BRWD3: variants seen among roughly 807,000 people sequenced by gnomAD.
BRWD3 encodes the protein bromodomain and WD repeat-containing protein 3.
Under a neutral mutation model 149.7 loss-of-function variants are expected in BRWD3, and 10 were observed. The observed-to-expected ratio is 0.07, with a 90% CI of 0.04 to 0.11. BRWD3 has a LOEUF of 0.11. Among genes scored for constraint, BRWD3 ranks in the 10% least tolerant of loss-of-function variants. The pLI is 1.00. For missense variants in BRWD3, 940 were observed against 1,373.2 expected, an observed-to-expected ratio of 0.68 and a Z score of 4.99; for synonymous variants, 504 against 456.7, an observed-to-expected ratio of 1.10 and a Z score of -1.32.
At chrX:80,802,442 T>TAA (rs760675783) in intron 4 of BRWD3, among the ~76,000 whole-genome samples, 1,429 of 48,835 alleles carry the variant, frequency 0.029, 44 homozygotes, top group South Asian at 0.1. Flanking sequence ...ACTCTCATCT[T>TAA]AAAAAAAAAA....
At chrX:80,682,185 T>C in intron 38 of BRWD3, 91 bp from the exon 39 acceptor site, 2 of 772,796 alleles carry the variant, frequency 2.6e-6, no homozygotes, top group Non-Finnish European at 2.0e-6. Context: ...GGTATCAAGG[T>C]CAGGTATTAG....
At chrX:80,728,584 G>A (rs771698893) in intron 14 of BRWD3, among the ~76,000 whole-genome samples, 168 bp downstream of exon 14, 176 of 111,402 alleles carry the variant, frequency 1.6e-3, no homozygotes, top group African/African-American at 5.5e-3. Context: ...CAGGTATAGC[G>A]CGTGTCATCC....
intron 14 of BRWD3, among the ~76,000 whole-genome samples, chrX:80,726,376 A>G (rs78749589): frequency 4.4e-4 from 30 of 68,513 alleles, no homozygotes; most frequent in South Asian, 1.3e-3. Flanking sequence ...TACATGTTAT[A>G]TCTGTATAAC....
At chrX:80,775,395 T>G (rs1033863404) in intron 6 of BRWD3, among the ~76,000 whole-genome samples, 4 of 111,910 alleles carry the variant, frequency 3.6e-5, no homozygotes, top group African/African-American at 1.3e-4. Context: ...GGGGCTTTAC[T>G]TGACACAATT....
intron 20 of BRWD3, among the ~76,000 whole-genome samples, chrX:80,713,260 T>C (rs2073018624): frequency 9.0e-6 from 1 of 110,817 alleles, no homozygotes; most frequent in Non-Finnish European, 1.9e-5. Flanking sequence ...GGGGGAAAGG[T>C]GGGGAAAAGA....
intron 12 of BRWD3, among the ~76,000 whole-genome samples, chrX:80,731,617 G>A (rs1034024396): frequency 9.9e-5 from 11 of 110,802 alleles, no homozygotes; most frequent in South Asian, 3.8e-4. Context: ...CTTATAGGCC[G>A]GGCGCAGTGG....
At chrX:80,789,821 C>CTT (rs376981904) in intron 6 of BRWD3, among the ~76,000 whole-genome samples, 11 of 100,201 alleles carry the variant, frequency 1.1e-4, no homozygotes, top group South Asian at 9.0e-4. Flanking sequence ...CATGGAACTC[C>CTT]TTTTTTTTTT....
chrX:80,687,431 C>T (rs1413027393), intron 34 of BRWD3, among the ~76,000 whole-genome samples: 1 of 110,664 alleles, frequency 9.0e-6, no homozygotes, highest in African/African-American at 3.3e-5. Flanking sequence ...CTGTTGTGTA[C>T]CATTTGATTT....
At chrX:80,707,308 A>T in intron 22 of BRWD3, 119 bp downstream of exon 22, 1 of 703,972 alleles carries the variant, frequency 1.4e-6, no homozygotes, top group Non-Finnish European at 2.2e-6. Context: ...GCTTCCAGCC[A>T]ATACCTTTTC....
At chrX:80,754,742 C>A (rs766850333) in intron 6 of BRWD3, among the ~76,000 whole-genome samples, 1 of 112,264 alleles carries the variant, frequency 8.9e-6, no homozygotes, top group Non-Finnish European at 1.9e-5. Flanking sequence ...CATGGTGGCT[C>A]ACGCCTATTA....
rs2072465759 is a variant in BRWD3 at position 80,682,518 on chromosome X, G to A, written c.4344C>T (p.Tyr1448=). Residue 1448 remains tyrosine (Y), a synonymous_variant, in exon 38 of 41, where the codon TAC becomes TAT. Coordinates refer to ENST00000373275, the MANE Select transcript of BRWD3 (RefSeq NM_153252.5). ...TGCTGCTGCTTCTTAGACGTTTTCT[G>A]TACCGTGGCCTTCTCCTCTTCTGAC... ...IQSQKRRRPR[Y]RKRLRSSSSS... 4 of 1,210,319 alleles carry A rather than the reference G, an allele frequency of 3.3e-6. No homozygotes were observed. Among genetic ancestry groups the A allele is most frequent in the Non-Finnish European group, 1.1e-6 (1 of 894,631 alleles).
rs1197716104 is a variant in BRWD3, at chrX:80,699,937, T to C, written c.2943+20A>G. 8.8e-7 allele frequency: 1 copy of C among 1,142,020 alleles called. No individual in the cohort carries two copies. The highest frequency in any genetic ancestry group is 1.2e-6 in the Non-Finnish European group (1 of 834,121). 94.1% of individuals were successfully genotyped at this position (1,142,020 alleles called of 1,213,427 possible). ...CCAAAGCTACTTCCATTGCATAGCT[T>C]ATGAATTTGGCAAACTTACCCTGAG... On this transcript the variant is annotated intron_variant, in intron 25 of 40. Coordinates refer to ENST00000373275, the MANE Select transcript of BRWD3 (RefSeq NM_153252.5).
At chrX:80,733,129 C>CAA (rs199514397) in intron 12 of BRWD3, 63 of 81,655 alleles carry the variant, frequency 7.7e-4, no homozygotes, top group Non-Finnish European at 1.1e-3. Flanking sequence ...GACACCGTCT[C>CAA]AAAAAAAAAA....
intron 17 of BRWD3, among the ~76,000 whole-genome samples, 173 bp downstream of exon 17, chrX:80,722,389 C>T (rs1480780675): frequency 9.0e-6 from 1 of 111,038 alleles, no homozygotes; most frequent in Non-Finnish European, 1.9e-5. Flanking sequence ...GTGAGATAAA[C>T]GATGAAAAAG....
chrX:80,778,148 A>G (rs181103770), intron 6 of BRWD3, among the ~76,000 whole-genome samples: 1 of 111,633 alleles, frequency 9.0e-6, no homozygotes, highest in African/African-American at 3.3e-5. Flanking sequence ...CAAGAGTTGA[A>G]AAGTGCCTTG....
At chrX:80,750,230 T>C (rs1329823050) in intron 6 of BRWD3, among the ~76,000 whole-genome samples, 2 of 111,049 alleles carry the variant, frequency 1.8e-5, no homozygotes, top group Non-Finnish European at 3.8e-5. Flanking sequence ...AAATCACAAA[T>C]AGACAAATGG....
chrX:80,694,503 C>T (rs938708749), intron 27 of BRWD3, among the ~76,000 whole-genome samples: 5 of 110,255 alleles, frequency 4.5e-5, no homozygotes, highest in Admixed American at 1.9e-4. Context: ...GGAAAAGCTG[C>T]GGACACTCAA....
Position 80,669,612 on chromosome X carries a change from C to CT in BRWD3, c.*6996dup, listed in dbSNP as rs1405051140. The stretch of plus-strand genomic sequence containing the variant: ...AAATTTCATTTAAACATATTGTAAG[C>CT]TTTTTTTTAAAAGCCAAGGGAGGAG... On this transcript the variant is annotated 3_prime_UTR_variant, in exon 41 of 41. Transcript: ENST00000373275. 3.6e-5 allele frequency among the ~76,000 whole-genome samples: 4 copies of CT among 110,880 alleles called. No individual in the cohort carries two copies. The highest frequency in any genetic ancestry group is 6.5e-5 in the African/African-American group (2 of 30,599).
At position 80,688,096 on chromosome X, in the gene BRWD3, G is replaced by A. The variant is rs148556531; in HGVS notation, c.3837C>T (p.Asp1279=). 192 of 1,199,923 alleles carry A rather than the reference G, an allele frequency of 1.6e-4. No individual in the cohort carries two copies. Among genetic ancestry groups the A allele is most frequent in the Non-Finnish European group, 1.9e-4 (172 of 886,564 alleles). ...TTCTTCCAGATGAAGTACCAGGACC[G>A]TCTGAATCTAAATCAACAATTTCTG... The part of the protein sequence containing the change: ...EDTEIVDLDS[D]GPGTSSGRKV... Residue 1279 remains aspartate (D), a synonymous_variant, in exon 34 of 41, where the codon GAC becomes GAT. Transcript: ENST00000373275.
Sources: allele counts gnomAD v4.1 joint callset (sites outside exome capture counted in the v4.1 genomes callset), GRCh38; gene constraint gnomAD v4.1.1; transcripts MANE v1.5; gene names NCBI Gene and HGNC (gene_info 2026-07-23, HGNC 2026-07-21).